Variants in PAK4 observed in about 807,000 individuals in gnomAD.
PAK4 encodes the protein serine/threonine-protein kinase PAK 4.
A neutral mutation model predicts 53.5 loss-of-function variants in PAK4; 49 were observed. The observed-to-expected ratio is 0.92, with a 90% CI of 0.73 to 1.16. The LOEUF (loss-of-function observed/expected upper bound fraction) is 1.16, where lower values mean the gene tolerates loss of function less well. Ranked by LOEUF, PAK4 falls within the 50% of genes most tolerant of loss-of-function variation. The probability of loss-of-function intolerance (pLI) is 0.00; values close to 1 mark genes in which losing one functional copy is unlikely to be tolerated. For synonymous variants in PAK4, 376 were observed against 375.6 expected (o/e 1.00, Z -0.01); for missense variants, 824 against 850.7 (o/e 0.97, Z 0.39).
chr19:39,167,142 C>T (rs572085785), intron 1 of PAK4, among the ~76,000 whole-genome samples: 43 of 152,350 alleles, frequency 2.8e-4, no homozygotes, highest in African/African-American at 9.9e-4. Context: ...CCCCGCTGTC[C>T]GCCCTCCGGG....
chr19:39,128,700 A>C (rs1358812916), intron 1 of PAK4, among the ~76,000 whole-genome samples: 1 of 152,142 alleles, frequency 6.6e-6, no homozygotes, highest in Non-Finnish European at 1.5e-5. Context: ...GTTAGAGGCC[A>C]AGGGTCTCCT....
chr19:39,176,515 G>A, intron 6 of PAK4, 75 bp from the exon 8 acceptor site: 1 of 1,588,574 alleles, frequency 6.3e-7, no homozygotes, highest in Non-Finnish European at 8.6e-7. Flanking sequence ...GCCAAGGAAT[G>A]ACGCAGGCAG....
intron 1 of PAK4, among the ~76,000 whole-genome samples, chr19:39,148,245 C>G (rs528052461): frequency 2.0e-4 from 30 of 151,916 alleles, no homozygotes; most frequent in African/African-American, 6.3e-4. Flanking sequence ...AGCCACCGTG[C>G]CTGGCGAGAT....
intron 1 of PAK4, among the ~76,000 whole-genome samples, chr19:39,144,153 TAGA>T (rs796642538): frequency 0.041 from 4,796 of 116,142 alleles, 104 homozygotes; most frequent in Non-Finnish European, 0.058. Context: ...GATAGATAGA[TAGA>T]TAGATTAGAT....
At chr19:39,137,305 C>G (rs569433892) in intron 1 of PAK4, among the ~76,000 whole-genome samples, 1 of 152,126 alleles carries the variant, frequency 6.6e-6, no homozygotes, top group Non-Finnish European at 1.5e-5. Context: ...AGGAGAAGGC[C>G]TGGTGTGACC....
At chr19:39,172,927 C>T (rs1478203001) in exon 3 of PAK4, 16 of 1,535,028 alleles carry the variant, frequency 1.0e-5, no homozygotes, top group Admixed American at 2.0e-5. Context: ...GACCATCGTG[C>T]GGGGCAGCAA....
Position 39,178,574 on chromosome 19 carries a change from A to T in PAK4, c.1771A>T (p.Arg591Ter). 1 of 1,592,968 alleles carries T rather than the reference A, an allele frequency of 6.3e-7. No homozygotes were observed. The highest frequency in any genetic ancestry group is 8.6e-7 in the Non-Finnish European group (1 of 1,167,500). Residue 591 changes from arginine to a stop codon, truncating the protein, a stop_gained, in exon 9 of 9, where the codon AGA becomes TGA. Coordinates refer to ENST00000358301, the Ensembl canonical transcript of PAK4. LOFTEE classifies it high-confidence loss of function. This position sits in a 1 kb window ranked among gnomAD's most constrained non-coding sequence, Gnocchi z 4.4. ...GCCCCTCATGCGCCAGAACCGCACC[A>T]GATGAGGCCCAGCGCCCTTCCCCTC...
rs1024720327 is a variant in PAK4, at chr19:39,148,698, G to C, written c.-22-20834G>C. On this transcript the variant is annotated intron_variant, in intron 1 of 8. Transcript: ENST00000358301. The stretch of plus-strand genomic sequence containing the variant: ...TCTTGAACTCCTGACCTCGTGATCC[G>C]CCTGCCTCAGCCTCCCAAAGTGCTG... Among the ~76,000 whole-genome samples, 349 of 150,120 alleles carry C rather than the reference G, an allele frequency of 2.3e-3. 5 individuals are homozygous for C. The highest frequency in any genetic ancestry group is 2.2e-3 in the Non-Finnish European group (148 of 67,642).
chr19:39,128,735 T>C (rs1338582868), intron 1 of PAK4, among the ~76,000 whole-genome samples: 1 of 152,126 alleles, frequency 6.6e-6, no homozygotes, highest in African/African-American at 2.4e-5. Flanking sequence ...CTCCCTCCCT[T>C]CCAGGGGCAG....
At chr19:39,176,183 C>T (rs1226900183) in intron 6 of PAK4, among the ~76,000 whole-genome samples, 1 of 152,212 alleles carries the variant, frequency 6.6e-6, no homozygotes, top group Non-Finnish European at 1.5e-5. Context: ...AGGCTGTGTC[C>T]CCTCACGGCC....
In PAK4 at chr19:39,173,048, G is replaced by T. The variant is rs763997184; in HGVS notation, c.335G>T (p.Arg112Leu). The T allele has an allele frequency of 6.5e-7, 1 of 1,549,100 alleles. No individual in the cohort carries two copies. The highest frequency in any genetic ancestry group is 1.2e-5 in the South Asian group (1 of 83,990). ...AGCCCGCCGCCGCCCGCCCGTGCCC[G>T]CCAGGAAAATGGGATGCCAGAGGAG... Residue 112 changes from arginine to leucine, a missense_variant, in exon 3 of 9, where the codon CGC (arginine) becomes CTC (leucine). Arg to Leu is a moderately radical substitution (Grantham distance 102). Coordinates refer to ENST00000358301, the Ensembl canonical transcript of PAK4. This position sits in a 1 kb window ranked among gnomAD's most constrained non-coding sequence, Gnocchi z 6.9.
exon 2 of PAK4, chr19:39,169,721 C>T (rs764654285): frequency 9.3e-6 from 15 of 1,609,816 alleles, no homozygotes; most frequent in African/African-American, 2.7e-5. Context: ...TCGTCGACCC[C>T]GCCTGCATCA....
rs1224352214 is a variant in PAK4 at position 39,178,513 on chromosome 19, A to G, written c.1710A>G (p.Pro570=). ...CGGCAGCCGAGCTGCTGAAGCACCC[A>G]TTCCTGGCCAAGGCAGGGCCGCCTG... The change falls in exon 9 of 9, where the codon CCA becomes CCG. Residue 570 remains proline, a synonymous_variant. Transcript: ENST00000358301. This position sits in a 1 kb window ranked among gnomAD's most constrained non-coding sequence, Gnocchi z 4.4. The G allele has an allele frequency of 6.2e-7, 1 of 1,612,148 alleles. No homozygotes were observed. Among genetic ancestry groups the G allele is most frequent in the South Asian group, 1.1e-5 (1 of 91,026 alleles).
intron 1 of PAK4, among the ~76,000 whole-genome samples, chr19:39,148,466 C>CTTTTTTTGTTTTTTTTTTTTTT (rs2074039992): frequency 1.8e-5 from 1 of 56,786 alleles, no homozygotes; most frequent in Non-Finnish European, 2.9e-5. Flanking sequence ...GTTTCTTCTG[C>CTTTTTTTGTTTTTTTTTTTTTT]TTTTTTTTTT....
intron 1 of PAK4, among the ~76,000 whole-genome samples, chr19:39,147,822 T>G (rs569372930): frequency 2.7e-5 from 4 of 150,908 alleles, no homozygotes; most frequent in Non-Finnish European, 5.9e-5. Flanking sequence ...CATTTTCTTA[T>G]TGGATTGTTT....
intron 1 of PAK4, among the ~76,000 whole-genome samples, chr19:39,156,315 G>T (rs1034913956): frequency 1.3e-5 from 2 of 151,250 alleles, no homozygotes; most frequent in African/African-American, 2.4e-5. Flanking sequence ...GCACCTAGTG[G>T]CCCCTGTCAC....
chr19:39,170,933 C>T (rs1266104427), intron 2 of PAK4, among the ~76,000 whole-genome samples: 1 of 152,230 alleles, frequency 6.6e-6, no homozygotes, highest in Non-Finnish European at 1.5e-5. Flanking sequence ...TTCTGGGCCA[C>T]AGGCCGCACC....
intron 1 of PAK4, among the ~76,000 whole-genome samples, chr19:39,131,004 G>C (rs1325259901): frequency 6.6e-6 from 1 of 151,948 alleles, no homozygotes; most frequent in Non-Finnish European, 1.5e-5. Context: ...GGTCATCAGC[G>C]CTTTACCCCT....
At chr19:39,133,169 C>T (rs1002681601) in intron 1 of PAK4, among the ~76,000 whole-genome samples, 33 of 152,212 alleles carry the variant, frequency 2.2e-4, no homozygotes, top group African/African-American at 7.0e-4. Context: ...CACATCACCT[C>T]TCTGTGCCCG....
Sources: gnomAD v4.1 joint callset for allele counts (sites outside exome capture counted in the v4.1 genomes callset) on GRCh38, gnomAD v4.1.1 for gene constraint, Gnocchi (gnomAD v3.1) non-coding constraint, MANE v1.5 for transcripts, NCBI Gene and HGNC (gene_info 2026-07-23, HGNC 2026-07-21) for gene names.